ALK: variants seen among roughly 807,000 people sequenced by gnomAD.
The protein encoded by ALK is ALK receptor tyrosine kinase, also known as ALK tyrosine kinase receptor.
ALK carries 74 observed loss-of-function variants against 163.1 expected under a neutral mutation model. The ratio of observed to expected loss-of-function variants is 0.45; its 90% confidence interval spans 0.38 to 0.55. ALK has a LOEUF of 0.55. ALK is among the 20% of genes least tolerant of loss of function. The pLI is 0.00. For synonymous variants in ALK, 960 were observed against 843.2 expected (o/e 1.14, Z -2.40); for missense variants, 2,063 against 2,105.3 (o/e 0.98, Z 0.39).
At chr2:29,208,711 C>A (rs936220563) in intron 25 of ALK, among the ~76,000 whole-genome samples, 5 of 151,996 alleles carry the variant, frequency 3.3e-5, no homozygotes, top group Non-Finnish European at 5.9e-5. Context: ...CACTTATTCC[C>A]CAAAGAGTTA....
chr2:29,899,078 G>T (rs551012478), intron 1 of ALK, among the ~76,000 whole-genome samples: 1 of 152,234 alleles, frequency 6.6e-6, no homozygotes, highest in South Asian at 2.1e-4. Context: ...GGACCGGCAG[G>T]TTTTGTTAGA....
intron 1 of ALK, among the ~76,000 whole-genome samples, chr2:29,898,762 CAGAA>C (rs1318246923): frequency 6.6e-6 from 1 of 152,064 alleles, no homozygotes; most frequent in Non-Finnish European, 1.5e-5. Flanking sequence ...ATGTGATGTT[CAGAA>C]AGAGAGAAGC....
chr2:29,656,690 G>A (rs1358134749), intron 3 of ALK, among the ~76,000 whole-genome samples: 3 of 152,176 alleles, frequency 2.0e-5, no homozygotes, highest in African/African-American at 7.2e-5. Flanking sequence ...CAGCAAGTGA[G>A]TGGTAAAGCC....
intron 1 of ALK, among the ~76,000 whole-genome samples, chr2:29,752,623 C>T (rs958370962): frequency 1.3e-5 from 2 of 152,092 alleles, no homozygotes; most frequent in African/African-American, 4.8e-5. Flanking sequence ...GCTGGGATTA[C>T]AGGCGTGAGC....
intron 1 of ALK, among the ~76,000 whole-genome samples, chr2:29,867,445 G>C (rs955169957): frequency 6.6e-6 from 1 of 152,126 alleles, no homozygotes; most frequent in Non-Finnish European, 1.5e-5. Context: ...AAACGACAAG[G>C]TTCACTTGTC....
chr2:29,207,042 G>T (rs370151303), intron 26 of ALK, 129 bp downstream of exon 26: 3 of 745,774 alleles, frequency 4.0e-6, no homozygotes, highest in Admixed American at 2.0e-5. Flanking sequence ...CACTGTTGTC[G>T]GGTGTATTGA....
At chr2:29,533,857 G>C (rs1469172152) in intron 3 of ALK, among the ~76,000 whole-genome samples, 7 of 152,182 alleles carry the variant, frequency 4.6e-5, no homozygotes, top group Admixed American at 3.9e-4. Flanking sequence ...GGCAAAACAT[G>C]TTGGGAGCCT....
At chr2:29,781,694 G>A (rs1681335634) in intron 1 of ALK, among the ~76,000 whole-genome samples, 1 of 152,296 alleles carries the variant, frequency 6.6e-6, no homozygotes, top group East Asian at 1.9e-4. Context: ...TAAAGTAGTA[G>A]CTCATCATTG....
chr2:29,246,219 G>A lies in ALK; in HGVS notation c.2204+4886C>T, dbSNP rs571317715. Among the ~76,000 whole-genome samples the A allele has an allele frequency of 1.7e-3, 260 of 152,038 alleles. No homozygotes were observed. The highest frequency in any genetic ancestry group is 6.1e-3 in the African/African-American group (253 of 41,444). ...GGTAGGAAGGCAGGCAGGCTGGAGG[G>A]GGAGAGAGGGAAGAAGGAGGAAAGA... is the stretch of plus-strand genomic sequence containing the variant. On this transcript the variant is annotated intron_variant, in intron 12 of 28. Coordinates refer to ENST00000389048, the MANE Select transcript of ALK (RefSeq NM_004304.5). The surrounding 1 kb of genome is among the most constrained non-coding windows in gnomAD (Gnocchi z 4.3).
chr2:29,880,037 A>C (rs577822925), intron 1 of ALK, among the ~76,000 whole-genome samples: 1 of 152,212 alleles, frequency 6.6e-6, no homozygotes, highest in Non-Finnish European at 1.5e-5. Context: ...GAAGCTCCAT[A>C]CTACAGATTT....
At chr2:29,202,748 C>T (rs1196472891) in intron 26 of ALK, among the ~76,000 whole-genome samples, 1 of 152,154 alleles carries the variant, frequency 6.6e-6, no homozygotes, top group East Asian at 1.9e-4. Flanking sequence ...AATAGTTTTC[C>T]ATGATGTAAG....
chr2:29,227,820 C>T lies in ALK; in HGVS notation c.2816-148G>A, dbSNP rs1022993565. ...CAGGGATGCGGGGAGGGAAGGGAGG[C>T]TCAGGGCACAGAGGCTGCATGTGGG... On this transcript the variant is annotated intron_variant, in intron 16 of 28. Transcript: ENST00000389048. The surrounding 1 kb of genome is among the most constrained non-coding windows in gnomAD (Gnocchi z 4.4). 4.5e-6 allele frequency: 3 copies of T among 666,710 alleles called. No homozygotes were observed. The highest frequency in any genetic ancestry group is 8.1e-6 in the Non-Finnish European group (3 of 368,314). 41.3% of individuals were successfully genotyped at this position (666,710 alleles called of 1,614,324 possible).
chr2:29,779,275 A>C (rs1185771601), intron 1 of ALK, among the ~76,000 whole-genome samples: 3 of 152,224 alleles, frequency 2.0e-5, no homozygotes, highest in Admixed American at 2.0e-4. Context: ...CCTATTTGGA[A>C]GCGCTCTGTG....
chr2:29,718,459 T>G (rs1196188233), intron 1 of ALK, among the ~76,000 whole-genome samples: 1 of 152,248 alleles, frequency 6.6e-6, no homozygotes, highest in South Asian at 2.1e-4. Context: ...AATCACTATT[T>G]GCTAATGTTT....
chr2:29,752,788 A>G (rs1680409953), intron 1 of ALK, among the ~76,000 whole-genome samples: 1 of 152,258 alleles, frequency 6.6e-6, no homozygotes, highest in South Asian at 2.1e-4. Context: ...TCCTTCCTGG[A>G]AGAAGGAGCA....
rs757339720 is a variant in ALK at position 29,920,293 on chromosome 2, G to C, written c.367C>G (p.Leu123Val). 6.4e-7 allele frequency: 1 copy of C among 1,571,386 alleles called. No homozygotes were observed. Among genetic ancestry groups the C allele is most frequent in the South Asian group, 1.2e-5 (1 of 86,832 alleles). Residue 123 changes from leucine (L) to valine (V), a missense_variant, in exon 1 of 29, where the codon CTG (leucine) becomes GTG (valine). Leu to Val is a conservative substitution (Grantham distance 32, BLOSUM62 1). This residue lies in a region of ALK where 987 missense variants were observed against 939.5 expected (regional missense o/e 1.05). Transcript: ENST00000389048. ...GAGCCGCCCTTCAGCACCCTGGACA[G>C]CGTCCGGGCCTCTGCCGGGGCTGGT... ...GSPAPAEART[L>V]SRVLKGGSVR... is the part of the protein sequence containing the mutation.
intron 23 of ALK, among the ~76,000 whole-genome samples, chr2:29,216,150 G>GAATC (rs1182680411): frequency 6.6e-6 from 1 of 152,184 alleles, no homozygotes; most frequent in Non-Finnish European, 1.5e-5. Context: ...CAAAGAGTTG[G>GAATC]AATCAGGATT....
intron 1 of ALK, among the ~76,000 whole-genome samples, chr2:29,786,766 T>C (rs1458322320): frequency 6.6e-6 from 1 of 152,198 alleles, no homozygotes; most frequent in African/African-American, 2.4e-5. Flanking sequence ...AGGATTTCCC[T>C]GGGAGTTTTT....
chr2:29,222,572 TC>T lies in ALK; in HGVS notation c.3394del (p.Glu1132LysfsTer18), dbSNP rs1558623074. On this transcript the variant is annotated frameshift_variant, in exon 21 of 29. Coordinates refer to ENST00000389048, the MANE Select transcript of ALK (RefSeq NM_004304.5). LOFTEE classifies it high-confidence loss of function. The stretch of plus-strand genomic sequence containing the variant: ...GTTGGGCATTCCGGACACCTGGCCT[TC>T]ATACACCTCCCCAAAGGCGCCATGG... Reference protein sequence around the residue: ...LGHGAFGEVYEGQVSGMPNDP... With the variant: ...LGHGAFGEVYXGQVSGMPNDP... 6.2e-7 allele frequency: 1 copy of T among 1,614,006 alleles called. No individual in the cohort carries two copies. Among genetic ancestry groups the T allele is most frequent in the Non-Finnish European group, 8.5e-7 (1 of 1,180,008 alleles).
Sources: gnomAD v4.1 joint callset for allele counts (sites outside exome capture counted in the v4.1 genomes callset) on GRCh38, gnomAD v4.1.1 for gene constraint, gnomAD v4.1.1 regional missense constraint, Gnocchi (gnomAD v3.1) non-coding constraint, MANE v1.5 for transcripts, NCBI Gene and HGNC (gene_info 2026-07-23, HGNC 2026-07-21) for gene names.